Variants in WNT5A observed in about 807,000 individuals in gnomAD.
WNT5A encodes protein Wnt-5a.
A neutral mutation model predicts 42.1 loss-of-function variants in WNT5A; 9 were observed. That is an observed-to-expected ratio of 0.21 (90% CI 0.13 to 0.37). The LOEUF is 0.37. Ranked by LOEUF, WNT5A falls within the 10% of genes least tolerant of loss-of-function variation. WNT5A has a pLI of 1.00. For missense variants in WNT5A, 426 were observed against 534.0 expected (o/e 0.80, Z 1.99); for synonymous variants, 210 against 210.0 (o/e 1.00, Z 0.00).
At chr3:55,477,556 CGT>C (rs1466566891) in intron 3 of WNT5A, among the ~76,000 whole-genome samples, 1 of 152,106 alleles carries the variant, frequency 6.6e-6, no homozygotes, top group Non-Finnish European at 1.5e-5. Flanking sequence ...ACAGTAGTGC[CGT>C]GCAGCTGAAG....
Position 55,487,059 on chromosome 3 carries a change from C to T in WNT5A, c.-74G>A, listed in dbSNP as rs1575409052. 2.2e-5 allele frequency: 32 copies of T among 1,447,394 alleles called. No homozygotes were observed. The highest frequency in any genetic ancestry group is 1.2e-4 in the South Asian group (10 of 81,992). The allele number at this position is 1,447,394 out of a possible 1,614,324, so 89.7% of individuals were successfully genotyped here. ...AGCCGAGGAATCCGAGCGGAGCGAC[C>T]GGGTTAAGCCTGGGGGGACGGTCAG... is the stretch of plus-strand genomic sequence containing the variant. On this transcript the variant is annotated 5_prime_UTR_variant, in exon 1 of 5. Transcript: ENST00000264634.
chr3:55,488,818 G>T (rs1399558443), upstream of WNT5A, among the ~76,000 whole-genome samples: 1 of 152,172 alleles, frequency 6.6e-6, no homozygotes, highest in Non-Finnish European at 1.5e-5. Context: ...GCTCCCACTG[G>T]GGCTCCACGG....
chr3:55,467,773 C>A lies in WNT5A; in HGVS notation c.*2319G>T, dbSNP rs909397312. On this transcript the variant is annotated 3_prime_UTR_variant, in exon 5 of 5. Transcript: ENST00000264634. ...TAGAATATTTTACATTAAATAGTTT[C>A]TTTTAAAAGCTAGGATTGTTAAACT... 3 of 152,136 alleles carry A rather than the reference C, an allele frequency of 2.0e-5. No homozygotes were observed. Among genetic ancestry groups the A allele is most frequent in the Non-Finnish European group, 2.9e-5 (2 of 68,012 alleles). The allele number at this position is 152,136 out of a possible 1,614,324, so 9.4% of individuals were successfully genotyped here. A position where few individuals can be genotyped will look rare whatever the true frequency, so the allele number is the denominator to read the frequency against.
chr3:55,487,118 G>A lies in WNT5A; in HGVS notation c.-133C>T. ...CTGCGGAGTCCTCCGGCGCGCGTCC[G>A]GCGGGCGCAGTGAACCGGAGCTGAA... On this transcript the variant is annotated 5_prime_UTR_variant, in exon 1 of 5. Coordinates refer to ENST00000264634, the MANE Select transcript of WNT5A (RefSeq NM_003392.7). The A allele has an allele frequency of 2.7e-6, 2 of 752,402 alleles. No individual in the cohort carries two copies. The highest frequency in any genetic ancestry group is 1.8e-5 in the South Asian group (1 of 55,138). The allele number at this position is 752,402 out of a possible 1,614,324, so 46.6% of individuals were successfully genotyped here.
chr3:55,485,428 G>A (rs991669286), intron 1 of WNT5A, among the ~76,000 whole-genome samples: 1 of 152,162 alleles, frequency 6.6e-6, no homozygotes, highest in Middle Eastern at 3.4e-3. Context: ...TCCGTTGAGA[G>A]GGTCGGGGGG....
intron 4 of WNT5A, 106 bp downstream of exon 4, chr3:55,474,231 A>G: frequency 7.1e-7 from 1 of 1,412,570 alleles, no homozygotes; most frequent in Non-Finnish European, 9.8e-7. Flanking sequence ...CCATATAGCA[A>G]AGGAGTGGCA....
chr3:55,501,857 G>A, the WNT5A span: 1 of 152,162 alleles, frequency 6.6e-6, no homozygotes, highest in African/African-American at 2.4e-5. Context: ...AATTCCTGAA[G>A]CAAATTTTTA....
the WNT5A span, among the ~76,000 whole-genome samples, chr3:55,505,029 C>T: frequency 1.3e-5 from 2 of 152,128 alleles, no homozygotes; most frequent in Non-Finnish European, 2.9e-5. Flanking sequence ...AGCAATGGTT[C>T]CTTCTGAAGA....
chr3:55,495,667 C>G, the WNT5A span, among the ~76,000 whole-genome samples: 2 of 152,096 alleles, frequency 1.3e-5, no homozygotes, highest in Non-Finnish European at 2.9e-5. Flanking sequence ...AGTGCAGGTA[C>G]CTTTTTAATA....
At chr3:55,481,856 C>A (rs755315218) in intron 1 of WNT5A, among the ~76,000 whole-genome samples, 1 of 152,150 alleles carries the variant, frequency 6.6e-6, no homozygotes, top group Non-Finnish European at 1.5e-5. Flanking sequence ...CCCTTCCCTG[C>A]CCTCCCCACA....
At chr3:55,473,966 TG>T (rs1165749681) in intron 4 of WNT5A, among the ~76,000 whole-genome samples, 14 of 152,198 alleles carry the variant, frequency 9.2e-5, no homozygotes, top group Admixed American at 9.2e-4. Flanking sequence ...AGGCAACTGC[TG>T]GTTCACCTTG....
At chr3:55,473,652 G>A (rs1459392606) in intron 4 of WNT5A, among the ~76,000 whole-genome samples, 1 of 152,076 alleles carries the variant, frequency 6.6e-6, no homozygotes, top group African/African-American at 2.4e-5. Flanking sequence ...ATCCCACACT[G>A]CTAAAAATGC....
At chr3:55,474,658 C>CGCCT in intron 3 of WNT5A, 29 bp from the exon 4 acceptor site, 1 of 1,244,410 alleles carries the variant, frequency 8.0e-7, no homozygotes, top group African/African-American at 1.8e-5. Context: ...GATCACTGGC[C>CGCCT]GCCTGCCTCA....
the WNT5A span, among the ~76,000 whole-genome samples, chr3:55,502,444 C>T: frequency 1.3e-5 from 2 of 152,194 alleles, no homozygotes; most frequent in African/African-American, 2.4e-5. Context: ...ACAATTCCTT[C>T]CCTGCAACTT....
chr3:55,472,539 CA>C (rs2051272745), intron 4 of WNT5A, among the ~76,000 whole-genome samples: 2 of 151,888 alleles, frequency 1.3e-5, no homozygotes, highest in African/African-American at 2.4e-5. Flanking sequence ...GGGCTGACCC[CA>C]CCCCCCCCAA....
At chr3:55,488,492 G>A (rs2051617008), upstream of WNT5A, among the ~76,000 whole-genome samples, 1 of 139,986 alleles carries the variant, frequency 7.1e-6, no homozygotes, top group Admixed American at 7.0e-5. Context: ...GAAAGAGAGA[G>A]GGAAGGGGGG....
chr3:55,501,933 G>T, the WNT5A span, among the ~76,000 whole-genome samples: 6 of 152,116 alleles, frequency 3.9e-5, no homozygotes, highest in Non-Finnish European at 7.3e-5. Flanking sequence ...ATTTTGACTG[G>T]TTTGGGGCAA....
At chr3:55,484,301 GCC>G (rs1158472997) in intron 1 of WNT5A, among the ~76,000 whole-genome samples, 7 of 152,176 alleles carry the variant, frequency 4.6e-5, no homozygotes, top group African/African-American at 1.7e-4. Flanking sequence ...GGGACGTCCT[GCC>G]CTGGAGAATG....
rs190857042 is a variant in WNT5A at position 55,475,166 on chromosome 3, A to C, written c.392-537T>G. Among the ~76,000 whole-genome samples, 10 of 152,354 alleles carry C rather than the reference A, an allele frequency of 6.6e-5. No individual in the cohort carries two copies. The East Asian group carries it at 1.9e-3, about 29-fold the overall frequency. ...TGATTTTCTCTGCAACTCTTTTGAA[A>C]ATAGTCAAAACTTGCTATTTGCAAA... On this transcript the variant is annotated intron_variant, in intron 3 of 4. Coordinates refer to ENST00000264634, the MANE Select transcript of WNT5A (RefSeq NM_003392.7).
Sources: allele counts gnomAD v4.1 joint callset (sites outside exome capture counted in the v4.1 genomes callset), GRCh38; gene constraint gnomAD v4.1.1; transcripts MANE v1.5; gene names NCBI Gene and HGNC (gene_info 2026-07-23, HGNC 2026-07-21).